RAVER2: variants seen among roughly 807,000 people sequenced by gnomAD.
RAVER2 encodes the protein ribonucleoprotein PTB-binding 2.
RAVER2 carries 46 observed loss-of-function variants against 78.1 expected under a neutral mutation model. The observed-to-expected ratio is 0.59, with a 90% CI of 0.46 to 0.75. RAVER2 has a LOEUF of 0.75. RAVER2 is among the 30% of genes least tolerant of loss of function. The pLI is 0.00. For synonymous variants in RAVER2, 311 were observed against 313.3 expected, an observed-to-expected ratio of 0.99 and a Z score of 0.08; for missense variants, 793 against 837.5, an observed-to-expected ratio of 0.95 and a Z score of 0.66.
At chr1:64,814,046 C>T (rs1403677973) in intron 10 of RAVER2, among the ~76,000 whole-genome samples, 1 of 151,972 alleles carries the variant, frequency 6.6e-6, no homozygotes, top group Non-Finnish European at 1.5e-5. Context: ...AACTCAGCCT[C>T]CCGAGTAGGT....
At chr1:64,808,627 G>A (rs1265414410) in intron 9 of RAVER2, among the ~76,000 whole-genome samples, 3 of 151,684 alleles carry the variant, frequency 2.0e-5, no homozygotes, top group African/African-American at 7.3e-5. Flanking sequence ...ATACCTGGCT[G>A]ATTTTTGTAT....
chr1:64,824,453 G>A (rs767611572), intron 11 of RAVER2, among the ~76,000 whole-genome samples: 3 of 152,200 alleles, frequency 2.0e-5, no homozygotes, highest in Admixed American at 6.5e-5. Flanking sequence ...TGTATGGACC[G>A]TGATAGATCC....
In RAVER2 at chr1:64,809,199, A is replaced by G. The variant is rs562415417; in HGVS notation, c.1680+1725A>G. Among the ~76,000 whole-genome samples, 8 of 152,314 alleles carry G rather than the reference A, an allele frequency of 5.3e-5. 1 individual carries two copies. In the South Asian group the frequency reaches 1.7e-3, roughly 32 times the overall value. On this transcript the variant is annotated intron_variant, in intron 9 of 11. Transcript: ENST00000294428. ...TAAGGAAGAACAATTCAAGCTTTTAAGCAAAGAGAAAGTTTATTTCACAAA... is the reference window on the plus strand; with the variant it reads ...TAAGGAAGAACAATTCAAGCTTTTAGGCAAAGAGAAAGTTTATTTCACAAA...
chr1:64,757,798 T>C (rs893849326), intron 1 of RAVER2, among the ~76,000 whole-genome samples: 1 of 152,214 alleles, frequency 6.6e-6, no homozygotes, highest in African/African-American at 2.4e-5. Context: ...CAAACACTTA[T>C]ATTTCTATTG....
At chr1:64,831,058 T>C in exon 12 of RAVER2, 1 of 1,458,456 alleles carries the variant, frequency 6.9e-7, no homozygotes, top group Admixed American at 2.0e-5. Context: ...CTTAACTTCA[T>C]TCAAACTAGC....
chr1:64,821,420 G>T (rs1195723626), intron 11 of RAVER2, among the ~76,000 whole-genome samples: 2 of 151,980 alleles, frequency 1.3e-5, no homozygotes, highest in East Asian at 3.8e-4. Flanking sequence ...GTCAATTTTT[G>T]TTCTTCCTGC....
At chr1:64,767,573 G>A (rs1652208179) in intron 1 of RAVER2, among the ~76,000 whole-genome samples, 1 of 151,958 alleles carries the variant, frequency 6.6e-6, no homozygotes, top group Non-Finnish European at 1.5e-5. Flanking sequence ...TGTATATTTA[G>A]CATATTCATT....
At chr1:64,796,222 A>G (rs1345915942) in intron 5 of RAVER2, among the ~76,000 whole-genome samples, 2 of 151,888 alleles carry the variant, frequency 1.3e-5, no homozygotes, top group Non-Finnish European at 2.9e-5. Context: ...ATCTATGTTT[A>G]TGAGGTATAT....
At chr1:64,804,643 A>G (rs895245853) in intron 6 of RAVER2, 91 bp from the exon 7 acceptor site, 6 of 637,094 alleles carry the variant, frequency 9.4e-6, no homozygotes, top group Non-Finnish European at 1.4e-5. Flanking sequence ...TTTTACTCAG[A>G]TCGACTGGAG....
chr1:64,766,390 A>G (rs114121147), intron 1 of RAVER2, among the ~76,000 whole-genome samples: 1,652 of 152,250 alleles, frequency 0.011, 36 homozygotes, highest in African/African-American at 0.038. Context: ...AATTTGGCCA[A>G]CTTACCAAGG....
At chr1:64,760,105 GAA>G (rs112327247) in intron 1 of RAVER2, among the ~76,000 whole-genome samples, 7 of 122,442 alleles carry the variant, frequency 5.7e-5, no homozygotes, top group Non-Finnish European at 5.4e-5. Flanking sequence ...TTGTGATGTG[GAA>G]AAAAAAAAAA....
chr1:64,764,409 C>T (rs1190123247), intron 1 of RAVER2, among the ~76,000 whole-genome samples: 1 of 150,896 alleles, frequency 6.6e-6, no homozygotes, highest in Non-Finnish European at 1.5e-5. Flanking sequence ...AAAATGAACT[C>T]CAAACTCACT....
At position 64,807,430 on chromosome 1, in the gene RAVER2, A is replaced by T; in HGVS notation, c.1636A>T (p.Lys546Ter). The T allele has an allele frequency of 2.5e-6, 4 of 1,614,104 alleles. No homozygotes were observed. Among genetic ancestry groups the T allele is most frequent in the Non-Finnish European group, 3.4e-6 (4 of 1,180,018 alleles). Residue 546 changes from lysine (K) to a stop codon, truncating the protein, a stop_gained, in exon 9 of 12, where the codon AAG becomes TAG. Coordinates refer to ENST00000294428, the Ensembl canonical transcript of RAVER2. LOFTEE classifies it high-confidence loss of function. Reference sequence around the variant, plus strand: ...TGGAAGCTTGCTGGTGGGACACCATAAGCAGCAGCAAAGCCAGCCAAAAGG... The same window carrying T: ...TGGAAGCTTGCTGGTGGGACACCATTAGCAGCAGCAAAGCCAGCCAAAAGG...
intron 10 of RAVER2, among the ~76,000 whole-genome samples, chr1:64,813,501 A>G (rs1033897325): frequency 2.6e-5 from 4 of 152,210 alleles, no homozygotes; most frequent in African/African-American, 9.6e-5. Context: ...TTAAAGTTAT[A>G]TATCCTTACA....
chr1:64,768,533 A>T (rs539889163), intron 1 of RAVER2, 123 bp from the exon 2 acceptor site: 10 of 553,214 alleles, frequency 1.8e-5, no homozygotes, highest in Admixed American at 6.4e-5. Flanking sequence ...CCATGAAATA[A>T]TTTTTTTTTT....
At chr1:64,787,835 C>G (rs1472844025) in intron 4 of RAVER2, among the ~76,000 whole-genome samples, 1 of 152,184 alleles carries the variant, frequency 6.6e-6, no homozygotes, top group African/African-American at 2.4e-5. Context: ...CCCATGCACT[C>G]TCATGCTCTC....
chr1:64,785,597 G>A (rs2100844007), intron 4 of RAVER2, among the ~76,000 whole-genome samples: 1 of 152,154 alleles, frequency 6.6e-6, no homozygotes, highest in East Asian at 1.9e-4. Flanking sequence ...TTGAACTCCT[G>A]ACCTCAAGTG....
intron 8 of RAVER2, among the ~76,000 whole-genome samples, chr1:64,805,904 G>T (rs1303386745): frequency 4.6e-5 from 7 of 152,086 alleles, no homozygotes; most frequent in Non-Finnish European, 1.5e-5. Context: ...AATTTTTTAT[G>T]TCTAAAAGCT....
chr1:64,758,016 C>T (rs370146544), intron 1 of RAVER2, among the ~76,000 whole-genome samples: 3 of 152,158 alleles, frequency 2.0e-5, no homozygotes, highest in African/African-American at 7.2e-5. Flanking sequence ...CCACTTCACC[C>T]AATTCAGGCT....
Sources: allele counts gnomAD v4.1 joint callset (sites outside exome capture counted in the v4.1 genomes callset), GRCh38; gene constraint gnomAD v4.1.1; transcripts MANE v1.5; gene names NCBI Gene and HGNC (gene_info 2026-07-23, HGNC 2026-07-21).